Variants in KIAA1549L observed in about 807,000 individuals in gnomAD.
KIAA1549L encodes UPF0606 protein KIAA1549L.
In KIAA1549L, 88 loss-of-function variants were observed where a neutral mutation model predicts 160.7. The ratio of observed to expected loss-of-function variants is 0.55; its 90% CI spans 0.46 to 0.65. KIAA1549L has a LOEUF of 0.65. Among genes scored for constraint, KIAA1549L ranks in the 30% least tolerant of loss-of-function variants. The probability of loss-of-function intolerance (pLI) is 0.00; values close to 1 mark genes in which losing one functional copy is unlikely to be tolerated. For synonymous variants in KIAA1549L, 950 were observed against 976.7 expected, an observed-to-expected ratio of 0.97 and a Z score of 0.51; for missense variants, 2,258 against 2,437.5, an observed-to-expected ratio of 0.93 and a Z score of 1.55.
At chr11:33,387,539 C>T (rs1219672172) in intron 1 of KIAA1549L, among the ~76,000 whole-genome samples, 1 of 152,150 alleles carries the variant, frequency 6.6e-6, no homozygotes, top group Non-Finnish European at 1.5e-5. Context: ...CTCCTAACCT[C>T]AAGTAATCTG....
intron 1 of KIAA1549L, among the ~76,000 whole-genome samples, chr11:33,513,113 AGGAGTGTCAGCTG>A: frequency 6.6e-6 from 1 of 152,224 alleles, no homozygotes. Flanking sequence ...CACAGTGGTC[AGGAGTGTCAGCTG>A]GGAAGCTTTC....
At chr11:33,614,293 T>A (rs1054692598) in intron 15 of KIAA1549L, among the ~76,000 whole-genome samples, 1 of 151,570 alleles carries the variant, frequency 6.6e-6, no homozygotes, top group Admixed American at 6.6e-5. Context: ...CAGACATGCC[T>A]TTCATGTGCA....
chr11:33,505,432 GACA>G (rs1323190782), intron 1 of KIAA1549L, among the ~76,000 whole-genome samples: 1 of 152,184 alleles, frequency 6.6e-6, no homozygotes, highest in East Asian at 1.9e-4. Context: ...CTGCTGCCAA[GACA>G]ACGTTTCTCT....
At chr11:33,475,765 G>A (rs1462220132) in intron 1 of KIAA1549L, among the ~76,000 whole-genome samples, 1 of 152,104 alleles carries the variant, frequency 6.6e-6, no homozygotes, top group Non-Finnish European at 1.5e-5. Flanking sequence ...GCTGAGGCAG[G>A]AGGATCACTT....
intron 1 of KIAA1549L, among the ~76,000 whole-genome samples, chr11:33,472,128 T>C (rs1852191093): frequency 6.6e-6 from 1 of 151,988 alleles, no homozygotes; most frequent in Admixed American, 6.6e-5. Flanking sequence ...TTCTCTCTCT[T>C]TCTTTCTCCT....
chr11:33,623,443 A>G (rs1851013073), intron 16 of KIAA1549L, among the ~76,000 whole-genome samples: 3 of 152,106 alleles, frequency 2.0e-5, no homozygotes, highest in Non-Finnish European at 4.4e-5. Flanking sequence ...CTCCCAGCTA[A>G]CATGAGCTAT....
At chr11:33,470,472 G>T (rs1258793094) in intron 1 of KIAA1549L, among the ~76,000 whole-genome samples, 1 of 151,844 alleles carries the variant, frequency 6.6e-6, no homozygotes, top group African/African-American at 2.4e-5. Flanking sequence ...TTCAGACAGG[G>T]TCTCACTCTT....
In KIAA1549L at chr11:33,543,044, C is replaced by G. The variant is rs1266185514; in HGVS notation, c.1481C>G (p.Pro494Arg). 1.9e-6 allele frequency: 3 copies of G among 1,613,988 alleles called. No homozygotes were observed. The highest frequency in any genetic ancestry group is 3.3e-5 in the Admixed American group (2 of 60,036). Residue 494 changes from proline (P) to arginine (R), a missense_variant, in exon 2 of 21, where the codon CCA becomes CGA. Pro to Arg is a moderately radical substitution (Grantham distance 103). Around this residue, in one of 6 missense-constraint regions of KIAA1549L, gnomAD observed 540 missense variants for 465.7 expected, o/e 1.16. Transcript: ENST00000658780. ...AILSGAVPAS[P>R]STGTADFPSI... ...CTTTCTGGGGCGGTTCCCGCATCACCATCAACTGGGACAGCCGACTTTCCC... is the reference window on the plus strand; with the variant it reads ...CTTTCTGGGGCGGTTCCCGCATCACGATCAACTGGGACAGCCGACTTTCCC...
chr11:33,649,575 TATC>T (rs2133414946), intron 17 of KIAA1549L, among the ~76,000 whole-genome samples: 1 of 151,716 alleles, frequency 6.6e-6, no homozygotes, highest in South Asian at 2.1e-4. Context: ...TGTCCATTCT[TATC>T]ATTGCCCTAG....
chr11:33,511,991 C>T (rs1241991006), intron 1 of KIAA1549L, among the ~76,000 whole-genome samples: 1 of 152,162 alleles, frequency 6.6e-6, no homozygotes, highest in East Asian at 1.9e-4. Context: ...TCTAGAGCTT[C>T]CTTAGAGTAA....
chr11:33,588,279 A>T (rs1849940331), intron 11 of KIAA1549L, among the ~76,000 whole-genome samples: 1 of 152,220 alleles, frequency 6.6e-6, no homozygotes, highest in Non-Finnish European at 1.5e-5. Context: ...TATCGTTGGA[A>T]CAAAACTGAA....
chr11:33,412,464 C>A (rs1044665699), intron 1 of KIAA1549L, among the ~76,000 whole-genome samples: 8 of 152,196 alleles, frequency 5.3e-5, no homozygotes, highest in African/African-American at 1.7e-4. Context: ...TACAGACTTG[C>A]TATAAATAAG....
chr11:33,558,350 G>T (rs574325525), intron 6 of KIAA1549L, among the ~76,000 whole-genome samples: 11 of 152,248 alleles, frequency 7.2e-5, no homozygotes, highest in African/African-American at 2.6e-4. Context: ...TGCGGGGTTC[G>T]AGGTTCAGCT....
Position 33,470,886 on chromosome 11 carries a change from C to T in KIAA1549L, c.239-70916C>T, listed in dbSNP as rs551823319. ...AGCTTTTAATGCTAGTGTGCCACTT[C>T]CACTCAGGATTCTGGCTGCAGGAGG... On this transcript the variant is annotated intron_variant, in intron 1 of 20. Transcript: ENST00000658780. Among the ~76,000 whole-genome samples, 9 of 152,268 alleles carry T rather than the reference C, an allele frequency of 5.9e-5. No homozygotes were observed. In the South Asian group the frequency reaches 8.3e-4, roughly 14 times the overall value.
intron 1 of KIAA1549L, among the ~76,000 whole-genome samples, chr11:33,466,155 A>C (rs2133012793): frequency 6.6e-6 from 1 of 152,356 alleles, no homozygotes; most frequent in African/African-American, 2.4e-5. Context: ...TCTGCACAGC[A>C]AAAGAAAGTA....
chr11:33,664,252 G>A (rs758034966), intron 20 of KIAA1549L, among the ~76,000 whole-genome samples: 21 of 152,188 alleles, frequency 1.4e-4, no homozygotes, highest in Non-Finnish European at 2.4e-4. Context: ...CATTGAGAAA[G>A]CCTTAGAACT....
chr11:33,552,024 C>T, intron 5 of KIAA1549L, 84 bp from the exon 6 acceptor site: 1 of 1,463,832 alleles, frequency 6.8e-7, no homozygotes, highest in Non-Finnish European at 9.3e-7. Flanking sequence ...TAAAATCGTG[C>T]TGTTTTATAT....
At chr11:33,479,204 TG>T (rs751484127) in intron 1 of KIAA1549L, among the ~76,000 whole-genome samples, 16 of 152,268 alleles carry the variant, frequency 1.1e-4, no homozygotes, top group South Asian at 6.2e-4. Context: ...TGGACTGAGC[TG>T]GGGGTTCCTG....
chr11:33,658,728 G>A (rs372755209), intron 18 of KIAA1549L, 22 bp from the exon 19 acceptor site: 98 of 1,564,262 alleles, frequency 6.3e-5, no homozygotes, highest in Middle Eastern at 1.9e-4. Flanking sequence ...CAGTGCTAAC[G>A]CAGTCCCTCT....
Sources: allele counts gnomAD v4.1 joint callset (sites outside exome capture counted in the v4.1 genomes callset), GRCh38; gene constraint gnomAD v4.1.1; regional missense constraint gnomAD v4.1.1; transcripts MANE v1.5; gene names NCBI Gene and HGNC (gene_info 2026-07-23, HGNC 2026-07-21).